NOTCH1: variants seen among roughly 807,000 people sequenced by gnomAD.
NOTCH1 encodes the protein neurogenic locus notch homolog protein 1.
NOTCH1 carries 37 observed loss-of-function variants against 254.8 expected under a neutral mutation model. That is an observed-to-expected ratio of 0.15 (90% CI 0.11 to 0.19). The LOEUF (loss-of-function observed/expected upper bound fraction) is 0.19. NOTCH1 is among the 10% of genes least tolerant of loss of function. NOTCH1 has a pLI of 1.00. For synonymous variants in NOTCH1, 1,731 were observed against 1,618.1 expected (o/e 1.07, Z -1.68); for missense variants, 2,972 against 3,708.6 (o/e 0.80, Z 5.16).
chr9:136,518,544 T>C (rs1250344108), intron 6 of NOTCH1, 47 bp downstream of exon 6: 11 of 1,539,852 alleles, frequency 7.1e-6, no homozygotes, highest in African/African-American at 6.8e-5. Flanking sequence ...AGCTCAGGCC[T>C]GGCCCATGTG....
Position 136,507,961 on chromosome 9 carries a change from G to A in NOTCH1, c.3504C>T (p.Ser1168=), listed in dbSNP as rs1475139232. Residue 1168 remains serine (S), a synonymous_variant, in exon 21 of 34, where the codon TCC becomes TCT. Coordinates refer to ENST00000651671, the MANE Select transcript of NOTCH1 (RefSeq NM_017617.5). ...CCCTAGGAGGGACCCCCACCTTGCA[G>A]GAGTAGCCGCCCAGGTAGTCCGTGC... ...ATCTDYLGGY[S]CKCVAGYHGV... is the part of the protein sequence containing the mutation. 2 of 1,612,604 alleles carry A rather than the reference G, an allele frequency of 1.2e-6. No homozygotes were observed. The highest frequency in any genetic ancestry group is 2.2e-5 in the South Asian group (2 of 91,086).
At chr9:136,515,165 A>G (rs1843243751) in intron 12 of NOTCH1, 125 bp downstream of exon 12, 2 of 854,546 alleles carry the variant, frequency 2.3e-6, no homozygotes, top group Non-Finnish European at 3.8e-6. Flanking sequence ...TCTGCTGCAG[A>G]CCACGGTCTG....
intron 2 of NOTCH1, among the ~76,000 whole-genome samples, chr9:136,527,280 GCA>G (rs1251487288): frequency 1.6e-4 from 24 of 152,354 alleles, no homozygotes; most frequent in Non-Finnish European, 2.9e-4. Context: ...CCTCAGGCCT[GCA>G]GCATGGCCAT....
intron 2 of NOTCH1, among the ~76,000 whole-genome samples, chr9:136,528,399 G>T (rs796425280): frequency 6.2e-5 from 1 of 16,030 alleles, no homozygotes; most frequent in Non-Finnish European, 9.4e-5. Flanking sequence ...CAGTGGGGGG[G>T]GATGGGCAGG....
chr9:136,497,141 C>G lies in NOTCH1; in HGVS notation c.6598G>C (p.Val2200Leu), dbSNP rs1462371500. 6.2e-7 allele frequency: 1 copy of G among 1,612,636 alleles called. No homozygotes were observed. The highest frequency in any genetic ancestry group is 1.3e-5 in the African/African-American group (1 of 75,046). Reference protein sequence around the residue: ...LLDSSGMLSPVDSLESPHGYL... With the variant: ...LLDSSGMLSPLDSLESPHGYL... ...CCATGGGGTGACTCCAGGGAGTCCACGGGCGAGAGCATGCCGGAGCTGTCC... is the reference window on the plus strand; with the variant it reads ...CCATGGGGTGACTCCAGGGAGTCCAGGGGCGAGAGCATGCCGGAGCTGTCC... The change falls in exon 34 of 34, where the codon GTG becomes CTG. Residue 2200 changes from valine to leucine, a missense_variant. By Grantham distance (32) the Val-to-Leu change is conservative (BLOSUM62 1). Transcript: ENST00000651671.
In NOTCH1 at chr9:136,510,814, CAGG is replaced by C. The variant is rs1564194790; in HGVS notation, c.2588-12_2588-10del. The stretch of plus-strand genomic sequence containing the variant: ...GACCTCACAGGTCTGCCCTGCGGGG[CAGG>C]AGGAGGCCGGTTGGTCACCAGCGGC... On this transcript the variant is annotated splice_polypyrimidine_tract_variant and intron_variant, in intron 16 of 33. Transcript: ENST00000651671. 1 of 1,607,386 alleles carries C rather than the reference CAGG, an allele frequency of 6.2e-7. No individual in the cohort carries two copies. Among genetic ancestry groups the C allele is most frequent in the Non-Finnish European group, 8.5e-7 (1 of 1,179,794 alleles).
Position 136,545,657 on chromosome 9 carries a change from C to T in NOTCH1, c.61+69G>A. ...CGCCCGCTCCCAGCCGTGGGGCGCG[C>T]GCGCCGGGCGCCGCCAAAGTTTCCA... On this transcript the variant is annotated intron_variant, in intron 1 of 33. Coordinates refer to ENST00000651671, the MANE Select transcript of NOTCH1 (RefSeq NM_017617.5). The surrounding 1 kb of genome is among the most constrained non-coding windows in gnomAD (Gnocchi z 6.8). 7.8e-7 allele frequency: 1 copy of T among 1,286,152 alleles called. No homozygotes were observed. The allele number at this position is 1,286,152 out of a possible 1,614,324, so 79.7% of individuals were successfully genotyped here. A position where few individuals can be genotyped will look rare whatever the true frequency, so the allele number is the denominator to read the frequency against.
rs953271253 is a variant in NOTCH1, at chr9:136,500,444, A to C, written c.5934+108T>G. 6 of 1,387,726 alleles carry C rather than the reference A, an allele frequency of 4.3e-6. No individual in the cohort carries two copies. In the East Asian group the frequency reaches 9.2e-5, roughly 21 times the overall value. 86.0% of individuals were successfully genotyped at this position (1,387,726 alleles called of 1,614,324 possible). Reference sequence around the variant, plus strand: ...TGGAGGCACCAGTTGTCCCGGACTCAGCTGTGCTCGGGGTCAGGCTCCCAG... The same window carrying C: ...TGGAGGCACCAGTTGTCCCGGACTCCGCTGTGCTCGGGGTCAGGCTCCCAG... On this transcript the variant is annotated intron_variant, in intron 31 of 33. Transcript: ENST00000651671.
intron 25 of NOTCH1, 68 bp from the exon 26 acceptor site, chr9:136,505,172 C>T (rs2133338158): frequency 1.9e-6 from 3 of 1,555,356 alleles, no homozygotes; most frequent in Admixed American, 3.6e-5. Flanking sequence ...CCGGTGCCTC[C>T]AGCCCACTGG....
chr9:136,513,574 C>G lies in NOTCH1; in HGVS notation c.2208-37G>C, dbSNP rs768550984. ...ACCACACTGCAGGTCGAGGGAGGCC[C>G]GAGCAGCACGGCCGGGGCCTGGGCA... On this transcript the variant is annotated intron_variant, in intron 13 of 33. Transcript: ENST00000651671. This position sits in a 1 kb window ranked among gnomAD's most constrained non-coding sequence, Gnocchi z 4.7. The G allele has an allele frequency of 9.9e-6, 16 of 1,611,418 alleles. No individual in the cohort carries two copies. Among genetic ancestry groups the G allele is most frequent in the Non-Finnish European group, 1.3e-5 (15 of 1,179,450 alleles).
chr9:136,508,129 A>G lies in NOTCH1; in HGVS notation c.3336T>C (p.Val1112=), dbSNP rs780069419. The G allele has an allele frequency of 4.4e-6, 7 of 1,608,016 alleles. No homozygotes were observed. The highest frequency in any genetic ancestry group is 5.1e-6 in the Non-Finnish European group (6 of 1,179,808). Residue 1112 remains valine (V), a synonymous_variant, in exon 21 of 34, where the codon GTT becomes GTC. Coordinates refer to ENST00000651671, the MANE Select transcript of NOTCH1 (RefSeq NM_017617.5). ...EVAAQRQGVD[V]ARLCQHGGLC... is the part of the protein sequence containing the mutation. The stretch of plus-strand genomic sequence containing the variant: ...GCCCTCCATGCTGGCACAGGCGGGC[A>G]ACGTCAACACCTGCGGGGGATGGGG...
At position 136,498,918 on chromosome 9, in the gene NOTCH1, T is replaced by C. The variant is rs2133321523; in HGVS notation, c.6161A>G (p.Lys2054Arg). Reference sequence around the variant, plus strand: ...GCTCACCCTGTTGTTCTGCATATCTTTGTTAGCCCCGTTCTTCAGGAGCAC... The same window carrying C: ...GCTCACCCTGTTGTTCTGCATATCTCTGTTAGCCCCGTTCTTCAGGAGCAC... ...AVVLLKNGAN[K>R]DMQNNREETP... Residue 2054 changes from lysine (K) to arginine (R), a missense_variant, in exon 33 of 34, where the codon AAA (lysine) becomes AGA (arginine). Physicochemically the swap from Lys to Arg is conservative, Grantham distance 26 (BLOSUM62 2). Around this residue, in one of 8 missense-constraint regions of NOTCH1, gnomAD observed 421 missense variants for 604.4 expected, o/e 0.70. Coordinates refer to ENST00000651671, the MANE Select transcript of NOTCH1 (RefSeq NM_017617.5). The C allele has an allele frequency of 6.2e-7, 1 of 1,613,734 alleles. No individual in the cohort carries two copies. Among genetic ancestry groups the C allele is most frequent in the Non-Finnish European group, 8.5e-7 (1 of 1,179,994 alleles).
rs1333420719 is a variant in NOTCH1, at chr9:136,513,226, C to A, written c.2354-92G>T. 2.1e-6 allele frequency: 3 copies of A among 1,439,514 alleles called. No homozygotes were observed. Among genetic ancestry groups the A allele is most frequent in the African/African-American group, 2.8e-5 (2 of 71,378 alleles). The allele number at this position is 1,439,514 out of a possible 1,614,324, so 89.2% of individuals were successfully genotyped here. Reference sequence around the variant, plus strand: ...AGCAGCCCTGGGCCTGCTCCCCACCCCAGGCCCCTCCTCATCTCCAAGAGC... The same window carrying A: ...AGCAGCCCTGGGCCTGCTCCCCACCACAGGCCCCTCCTCATCTCCAAGAGC... On this transcript the variant is annotated intron_variant, in intron 14 of 33. Coordinates refer to ENST00000651671, the MANE Select transcript of NOTCH1 (RefSeq NM_017617.5). This position sits in a 1 kb window ranked among gnomAD's most constrained non-coding sequence, Gnocchi z 4.7.
chr9:136,505,637 A>T lies in NOTCH1; in HGVS notation c.4259T>A (p.Phe1420Tyr), dbSNP rs2133340101. 1 of 1,612,144 alleles carries T rather than the reference A, an allele frequency of 6.2e-7. No homozygotes were observed. The highest frequency in any genetic ancestry group is 8.5e-7 in the Non-Finnish European group (1 of 1,179,576). Residue 1420 changes from phenylalanine to tyrosine, a missense_variant, in exon 25 of 34, where the codon TTC becomes TAC. By Grantham distance (22) the Phe-to-Tyr change is conservative. Transcript: ENST00000651671. ...PFYRCLCPAK[F>Y]NGLLCHILDY... ...CAGGATGTGGCACAAGAGCCCGTTG[A>T]ATTTGGCGGGGCACAGGCAACGGTA...
intron 6 of NOTCH1, 22 bp from the exon 7 acceptor site, chr9:136,518,314 G>T: frequency 6.2e-7 from 1 of 1,603,106 alleles, no homozygotes; most frequent in Non-Finnish European, 8.5e-7. Context: ...GCGGCGGTCA[G>T]TGGGCACGGC....
intron 15 of NOTCH1, among the ~76,000 whole-genome samples, chr9:136,512,102 G>A (rs909890006): frequency 6.6e-6 from 1 of 152,248 alleles, no homozygotes; most frequent in Non-Finnish European, 1.5e-5. Flanking sequence ...GAAGCAGGAA[G>A]CGGGCAGATA....
intron 2 of NOTCH1, among the ~76,000 whole-genome samples, chr9:136,534,874 T>C (rs1189863448): frequency 6.0e-5 from 1 of 16,658 alleles, no homozygotes; most frequent in Admixed American, 6.1e-4. Flanking sequence ...CCCCAGTCCC[T>C]CCCCACAGAG....
rs1464247298 is a variant in NOTCH1 at position 136,518,192 on chromosome 9, G to A, written c.1200C>T (p.Cys400=). The change falls in exon 7 of 34, where the codon TGC becomes TGT. Residue 400 remains cysteine, a synonymous_variant. Transcript: ENST00000651671. ...NPVNGKAICT[C]PSGYTGPACS... ...AGGCCGGGCCCGTGTACCCCGAGGG[G>A]CAGGTGCAGATGGCCTTGCCATTGA... 2.5e-6 allele frequency: 4 copies of A among 1,604,768 alleles called. No individual in the cohort carries two copies. In the South Asian group the frequency reaches 3.3e-5, roughly 13 times the overall value.
At position 136,497,217 on chromosome 9, in the gene NOTCH1, C is replaced by T. The variant is rs1203783810; in HGVS notation, c.6522G>A (p.Lys2174=). The part of the protein sequence containing the change: ...KGLACGSKEA[K]DLKARRKKSQ... ...ACTTCTTCCTCCGTGCCTTGAGGTCCTTGGCCTCCTTGCTTCCACAGGCCA... is the reference window on the plus strand; with the variant it reads ...ACTTCTTCCTCCGTGCCTTGAGGTCTTTGGCCTCCTTGCTTCCACAGGCCA... The change falls in exon 34 of 34, where the codon AAG becomes AAA. Residue 2174 remains lysine, a synonymous_variant. Coordinates refer to ENST00000651671, the MANE Select transcript of NOTCH1 (RefSeq NM_017617.5). 1 of 1,612,622 alleles carries T rather than the reference C, an allele frequency of 6.2e-7. No homozygotes were observed. Among genetic ancestry groups the T allele is most frequent in the African/African-American group, 1.3e-5 (1 of 74,936 alleles).
Sources: allele counts gnomAD v4.1 joint callset (sites outside exome capture counted in the v4.1 genomes callset), GRCh38; gene constraint gnomAD v4.1.1; regional missense constraint gnomAD v4.1.1; non-coding constraint Gnocchi (gnomAD v3.1); transcripts MANE v1.5; gene names NCBI Gene and HGNC (gene_info 2026-07-23, HGNC 2026-07-21).